Variants in INPP4B observed in about 807,000 individuals in gnomAD.
INPP4B encodes inositol polyphosphate 4-phosphatase type II.
A neutral mutation model predicts 122.5 loss-of-function variants in INPP4B; 55 were observed. The observed-to-expected ratio is 0.45, with a 90% CI of 0.36 to 0.56. INPP4B has a LOEUF of 0.56. Among genes scored for constraint, INPP4B ranks in the 20% least tolerant of loss-of-function variants. INPP4B has a pLI of 0.00. For missense variants in INPP4B, 1,000 were observed against 1,097.7 expected (o/e 0.91, Z 1.26); for synonymous variants, 403 against 388.7 (o/e 1.04, Z -0.43).
Position 142,314,708 on chromosome 4 carries a change from T to C in INPP4B, c.423+4A>G. On this transcript the variant is annotated splice_donor_region_variant and intron_variant, in intron 8 of 25. Coordinates refer to ENST00000262992, the MANE Select transcript of INPP4B (RefSeq NM_001101669.3). ...TGCCTTCTGGAAACGTTAGAAACAC[T>C]TACCCCAACTTCTGGCGGGGGATCC... is the stretch of plus-strand genomic sequence containing the variant. 1 of 1,601,658 alleles carries C rather than the reference T, an allele frequency of 6.2e-7. No individual in the cohort carries two copies. Among genetic ancestry groups the C allele is most frequent in the Non-Finnish European group, 8.5e-7 (1 of 1,175,300 alleles).
At chr4:142,032,808 A>G (rs1289159058) in intron 25 of INPP4B, among the ~76,000 whole-genome samples, 1 of 152,188 alleles carries the variant, frequency 6.6e-6, no homozygotes, top group Non-Finnish European at 1.5e-5. Context: ...ATGTAAGTCA[A>G]TTCTTACAAA....
chr4:142,101,563 C>T (rs1471737591), intron 23 of INPP4B, among the ~76,000 whole-genome samples: 2 of 151,970 alleles, frequency 1.3e-5, no homozygotes, highest in East Asian at 3.9e-4. Context: ...ATTGCTTTTC[C>T]AGTCTGTGGC....
At chr4:142,444,600 C>T (rs575057471) in intron 3 of INPP4B, among the ~76,000 whole-genome samples, 76 of 151,982 alleles carry the variant, frequency 5.0e-4, no homozygotes, top group South Asian at 6.2e-4. Flanking sequence ...GACAGTGTGG[C>T]GATTCCTCAA....
At chr4:142,042,273 C>T (rs1322630387) in intron 25 of INPP4B, among the ~76,000 whole-genome samples, 1 of 152,086 alleles carries the variant, frequency 6.6e-6, no homozygotes, top group African/African-American at 2.4e-5. Context: ...CGAAGAGCTT[C>T]CATGGAATCA....
chr4:142,824,314 A>ATCTCTATCTCTATCTCTATC (rs1554016382), intron 1 of INPP4B, among the ~76,000 whole-genome samples: 59 of 150,736 alleles, frequency 3.9e-4, no homozygotes, highest in African/African-American at 1.4e-3. Flanking sequence ...CTGTCTATCT[A>ATCTCTATCTCTATCTCTATC]TCTATCTCTA....
chr4:142,296,607 C>A (rs966572062), intron 9 of INPP4B, among the ~76,000 whole-genome samples: 2 of 152,234 alleles, frequency 1.3e-5, no homozygotes, highest in Non-Finnish European at 1.5e-5. Flanking sequence ...TCACAGAGAA[C>A]CCCACGAAGT....
At chr4:142,169,827 T>A (rs969088216) in intron 16 of INPP4B, among the ~76,000 whole-genome samples, 3 of 151,816 alleles carry the variant, frequency 2.0e-5, no homozygotes, top group Admixed American at 2.0e-4. Flanking sequence ...TAGCATCAAG[T>A]ACGATACCAC....
chr4:142,475,428 G>T (rs1819643884), intron 2 of INPP4B, among the ~76,000 whole-genome samples: 1 of 152,010 alleles, frequency 6.6e-6, no homozygotes, highest in Non-Finnish European at 1.5e-5. Context: ...ACTCAAAAAG[G>T]CAGAGTGTCC....
intron 7 of INPP4B, among the ~76,000 whole-genome samples, chr4:142,338,764 A>G (rs1283584330): frequency 6.6e-6 from 1 of 152,150 alleles, no homozygotes; most frequent in Admixed American, 6.5e-5. Context: ...TAATTTTCAC[A>G]TATTGGAATT....
chr4:142,053,311 T>C (rs1511251), intron 25 of INPP4B, among the ~76,000 whole-genome samples: 123,587 of 152,080 alleles, frequency 0.81, 52,406 homozygotes, highest in Non-Finnish European at 0.92. Context: ...TTTTGAAATA[T>C]GAATTTGGAA....
intron 1 of INPP4B, among the ~76,000 whole-genome samples, chr4:142,791,118 T>C (rs1157268588): frequency 6.6e-6 from 1 of 152,140 alleles, no homozygotes; most frequent in East Asian, 1.9e-4. Flanking sequence ...AAATATATCA[T>C]GAATTTATAG....
chr4:142,374,379 A>G (rs1166229218), intron 7 of INPP4B, among the ~76,000 whole-genome samples: 1 of 151,952 alleles, frequency 6.6e-6, no homozygotes, highest in African/African-American at 2.4e-5. Flanking sequence ...TCAGTCATCT[A>G]GATTTCTCAG....
At chr4:142,115,858 CA>C (rs1792998597) in intron 21 of INPP4B, among the ~76,000 whole-genome samples, 1 of 152,092 alleles carries the variant, frequency 6.6e-6, no homozygotes, top group South Asian at 2.1e-4. Flanking sequence ...TTAAAAGACA[CA>C]GACTGGCAAA....
At chr4:142,298,479 G>A (rs1349645414) in intron 9 of INPP4B, among the ~76,000 whole-genome samples, 1 of 151,854 alleles carries the variant, frequency 6.6e-6, no homozygotes, top group African/African-American at 2.4e-5. Flanking sequence ...GAGGTCAGGA[G>A]ATCAAGACAA....
chr4:142,135,625 T>C (rs1803685032), intron 18 of INPP4B, among the ~76,000 whole-genome samples: 1 of 152,126 alleles, frequency 6.6e-6, no homozygotes, highest in African/African-American at 2.4e-5. Flanking sequence ...CTATGGGCCC[T>C]TGTCATTGCA....
At chr4:142,403,848 C>T (rs567093768) in intron 6 of INPP4B, among the ~76,000 whole-genome samples, 6 of 152,006 alleles carry the variant, frequency 3.9e-5, no homozygotes, top group African/African-American at 7.2e-5. Flanking sequence ...CACTTTGGAA[C>T]GGGCAGTGAA....
chr4:142,029,910 T>A (rs945102913), intron 25 of INPP4B: 108 of 1,220,098 alleles, frequency 8.9e-5, no homozygotes, highest in Non-Finnish European at 6.8e-5. Flanking sequence ...CTTGAGCTAG[T>A]TAACAGTGGG....
intron 9 of INPP4B, among the ~76,000 whole-genome samples, chr4:142,280,519 G>T (rs1041102382): frequency 6.6e-6 from 1 of 151,908 alleles, no homozygotes; most frequent in Non-Finnish European, 1.5e-5. Flanking sequence ...ACAGATCAGT[G>T]GTGGCCAGGG....
At chr4:142,395,306 A>C (rs1224099231) in intron 7 of INPP4B, among the ~76,000 whole-genome samples, 2 of 152,264 alleles carry the variant, frequency 1.3e-5, no homozygotes, top group South Asian at 2.1e-4. Flanking sequence ...TCAATGCTAA[A>C]AGAAATAACA....
Sources: allele counts gnomAD v4.1 joint callset (sites outside exome capture counted in the v4.1 genomes callset), GRCh38; gene constraint gnomAD v4.1.1; transcripts MANE v1.5; gene names NCBI Gene and HGNC (gene_info 2026-07-23, HGNC 2026-07-21).